BAIAP2: variants seen among roughly 807,000 people sequenced by gnomAD.
The protein encoded by BAIAP2 is BAR/IMD domain containing adaptor protein 2.
Under a neutral mutation model 63.0 loss-of-function variants are expected in BAIAP2, and 18 were observed. That is an observed-to-expected ratio of 0.29 (90% CI 0.20 to 0.42). The LOEUF (loss-of-function observed/expected upper bound fraction) is 0.42. Among genes scored for constraint, BAIAP2 ranks in the 10% least tolerant of loss-of-function variants. The pLI is 1.00. For missense variants in BAIAP2, 610 were observed against 734.3 expected (o/e 0.83, Z 1.96); for synonymous variants, 386 against 307.6 (o/e 1.25, Z -2.67).
At chr17:81,081,114 A>G (rs1343976872) in intron 3 of BAIAP2, among the ~76,000 whole-genome samples, 1 of 152,194 alleles carries the variant, frequency 6.6e-6, no homozygotes, top group African/African-American at 2.4e-5. Context: ...GCCAGTTCCC[A>G]GTGTCCAAGG....
At chr17:81,070,858 T>C (rs772197759) in intron 3 of BAIAP2, among the ~76,000 whole-genome samples, 4 of 152,220 alleles carry the variant, frequency 2.6e-5, no homozygotes, top group African/African-American at 4.8e-5. Flanking sequence ...CCCAGCGTGA[T>C]GGTGCGTTGC....
At chr17:81,102,381 C>T (rs943395845) in intron 7 of BAIAP2, among the ~76,000 whole-genome samples, 2 of 152,200 alleles carry the variant, frequency 1.3e-5, no homozygotes, top group Non-Finnish European at 2.9e-5. Context: ...CCACCCAAGA[C>T]TCACTCCTCT....
intron 6 of BAIAP2, chr17:81,086,788 G>C (rs2145344784): frequency 1.7e-6 from 1 of 578,986 alleles, no homozygotes; most frequent in Middle Eastern, 4.7e-4. Flanking sequence ...GCTCTGTCCT[G>C]CTCTTGCAGC....
intron 13 of BAIAP2, among the ~76,000 whole-genome samples, chr17:81,112,299 G>T (rs1358594089): frequency 6.6e-6 from 1 of 152,242 alleles, no homozygotes; most frequent in Non-Finnish European, 1.5e-5. Context: ...GAGACCCTGG[G>T]TAGCAGTGCC....
At chr17:81,077,139 A>G (rs950913670) in intron 3 of BAIAP2, among the ~76,000 whole-genome samples, 6 of 152,158 alleles carry the variant, frequency 3.9e-5, no homozygotes, top group African/African-American at 1.4e-4. Context: ...TCCCGGAGCT[A>G]GGGGGCAACT....
rs548211144 is a variant in BAIAP2, at chr17:81,104,315, C to T, written c.1067-199C>T. Among the ~76,000 whole-genome samples the T allele has an allele frequency of 5.9e-5, 9 of 152,344 alleles. No individual in the cohort carries two copies. In the East Asian group the frequency reaches 1.7e-3, roughly 29 times the overall value. The stretch of plus-strand genomic sequence containing the variant: ...TCAAGCCTCTGGTGCTCAGTGGGGG[C>T]ATGAGTGGGGTACAGGGTTAGGCTC... On this transcript the variant is annotated intron_variant, in intron 9 of 13. Coordinates refer to ENST00000428708, the MANE Select transcript of BAIAP2 (RefSeq NM_001144888.2).
Position 81,117,046 on chromosome 17 carries a change from C to CT in BAIAP2, c.*1209dup, listed in dbSNP as rs2060568331. On this transcript the variant is annotated 3_prime_UTR_variant, in exon 14 of 14. Coordinates refer to ENST00000428708, the MANE Select transcript of BAIAP2 (RefSeq NM_001144888.2). ...TCCTGGAGAGGCCTGTAGGTCCATT[C>CT]TTCACCCGTCCCTACCAGGCCAACT... 6.6e-6 allele frequency: 1 copy of CT among 152,324 alleles called. No homozygotes were observed. The highest frequency in any genetic ancestry group is 2.4e-5 in the African/African-American group (1 of 41,456). The allele number at this position is 152,324 out of a possible 1,614,324, so 9.4% of individuals were successfully genotyped here.
At chr17:81,096,717 C>T (rs1037337107) in intron 6 of BAIAP2, among the ~76,000 whole-genome samples, 2 of 152,274 alleles carry the variant, frequency 1.3e-5, no homozygotes, top group African/African-American at 4.8e-5. Context: ...CTCAGGTGTC[C>T]TCCTCCATGG....
chr17:81,055,574 G>GGTTTTTTTTTGTTTTT (rs2049367167), intron 2 of BAIAP2, among the ~76,000 whole-genome samples: 1 of 123,406 alleles, frequency 8.1e-6, no homozygotes, highest in East Asian at 2.7e-4. Flanking sequence ...AGGGTGTTTT[G>GGTTTTTTTTTGTTTTT]TTTTTTTTTG....
chr17:81,103,842 T>C, intron 8 of BAIAP2, 65 bp from the exon 9 acceptor site: 1 of 1,600,694 alleles, frequency 6.2e-7, no homozygotes, highest in Non-Finnish European at 8.5e-7. Flanking sequence ...CGGAGGGTTC[T>C]CTTTCCCCCT....
chr17:81,081,612 C>A (rs767528229), intron 3 of BAIAP2, among the ~76,000 whole-genome samples: 15 of 152,188 alleles, frequency 9.9e-5, no homozygotes, highest in Non-Finnish European at 2.1e-4. Flanking sequence ...AAATTCTGTC[C>A]TCTTTGTCCT....
In BAIAP2 at chr17:81,038,119, C is replaced by T. The variant is rs544149206; in HGVS notation, c.54+2811C>T. On this transcript the variant is annotated intron_variant, in intron 1 of 13. Transcript: ENST00000428708. ...GAAGACCCCTTCCTCCACAGGAGCC[C>T]GGGCCCAGCGCTTGCTCAGGTTGCC... Among the ~76,000 whole-genome samples the T allele has an allele frequency of 6.0e-4, 91 of 152,336 alleles. 1 individual carries two copies. The highest frequency in any genetic ancestry group is 2.0e-3 in the African/African-American group (85 of 41,576).
At position 81,049,992 on chromosome 17, in the gene BAIAP2, C is replaced by T. The variant is rs142556166; in HGVS notation, c.55-3676C>T. Among the ~76,000 whole-genome samples, 388 of 152,316 alleles carry T rather than the reference C, an allele frequency of 2.5e-3. 2 individuals are homozygous for T. The highest frequency in any genetic ancestry group is 3.7e-3 in the Non-Finnish European group (253 of 68,018). On this transcript the variant is annotated intron_variant, in intron 1 of 13. Transcript: ENST00000428708. ...AGGCTCAGAGAGACGCCTGACCAGA[C>T]GCCTGACTGGAGATGGTCTCCCAGC...
intron 3 of BAIAP2, among the ~76,000 whole-genome samples, chr17:81,065,966 G>C (rs114031019): frequency 6.0e-4 from 92 of 152,370 alleles, no homozygotes; most frequent in African/African-American, 2.2e-3. Flanking sequence ...CGGGGCCGCA[G>C]CCCTCCCCAG....
chr17:81,071,008 C>G (rs1302998352), intron 3 of BAIAP2, among the ~76,000 whole-genome samples: 2 of 152,218 alleles, frequency 1.3e-5, no homozygotes, highest in Admixed American at 6.5e-5. Context: ...AGCCTTGACA[C>G]CAAGGTGGCT....
intron 7 of BAIAP2, among the ~76,000 whole-genome samples, chr17:81,100,805 A>G (rs2058379286): frequency 6.6e-6 from 1 of 151,976 alleles, no homozygotes; most frequent in Non-Finnish European, 1.5e-5. Context: ...ACTGCTCCAG[A>G]GTGGCCTCCC....
At position 81,055,714 on chromosome 17, in the gene BAIAP2, T is replaced by C. The variant is rs7214143; in HGVS notation, c.130+1971T>C. Among the ~76,000 whole-genome samples the C allele has an allele frequency of 5.8e-3, 889 of 151,968 alleles. 5 individuals carry two copies. Among genetic ancestry groups the C allele is most frequent in the African/African-American group, 0.017 (703 of 41,446 alleles). On this transcript the variant is annotated intron_variant, in intron 2 of 13. Transcript: ENST00000428708. ...CCGAGTAGCTGGGACCACAGGTGCC[T>C]GCCACCACGCCCGGCTAATTTTTTG...
intron 3 of BAIAP2, among the ~76,000 whole-genome samples, chr17:81,067,899 C>G (rs139024032): frequency 0.018 from 2,771 of 152,286 alleles, 41 homozygotes; most frequent in Non-Finnish European, 0.027. Flanking sequence ...CCAGTGCTCC[C>G]TAGGGAGGGA....
At chr17:81,042,980 C>T (rs921625134) in intron 1 of BAIAP2, among the ~76,000 whole-genome samples, 12 of 152,120 alleles carry the variant, frequency 7.9e-5, no homozygotes, top group Admixed American at 3.9e-4. Context: ...GCCTCCTGGG[C>T]TCAAGCAATT....
Sources: gnomAD v4.1 joint callset for allele counts (sites outside exome capture counted in the v4.1 genomes callset) on GRCh38, gnomAD v4.1.1 for gene constraint, MANE v1.5 for transcripts, NCBI Gene and HGNC (gene_info 2026-07-23, HGNC 2026-07-21) for gene names.